Variants in SLC45A1 observed in about 807,000 individuals in gnomAD.
The protein encoded by SLC45A1 is solute carrier family 45 member 1.
Under a neutral mutation model 57.6 loss-of-function variants are expected in SLC45A1, and 28 were observed. The observed-to-expected ratio is 0.49, with a 90% CI of 0.36 to 0.67. The LOEUF (loss-of-function observed/expected upper bound fraction) is 0.67, where lower values mean the gene tolerates loss of function less well. Ranked by LOEUF, SLC45A1 falls within the 30% of genes least tolerant of loss-of-function variation. The pLI, the probability that SLC45A1 is intolerant of heterozygous loss-of-function variation, is 0.00. For synonymous variants in SLC45A1, 459 were observed against 471.5 expected (o/e 0.97, Z 0.34); for missense variants, 814 against 1,041.5 (o/e 0.78, Z 3.01).
chr1:8,329,595 G>A (rs1640312769), intron 4 of SLC45A1, among the ~76,000 whole-genome samples: 3 of 152,238 alleles, frequency 2.0e-5, no homozygotes, highest in South Asian at 4.1e-4. Flanking sequence ...TGTGGCCAGG[G>A]CTGGGCTGGC....
In SLC45A1 at chr1:8,325,808, C is replaced by G. The variant is rs754191088; in HGVS notation, c.491-10C>G. On this transcript the variant is annotated splice_polypyrimidine_tract_variant and intron_variant, in intron 3 of 8. Transcript: ENST00000471889. This position sits in a 1 kb window ranked among gnomAD's most constrained non-coding sequence, Gnocchi z 6.3. ...ATTTTCTTGGGGTGACTTTGTTTCT[C>G]TGTGTCCAGGGGCACTGCTGGGCCT... The G allele has an allele frequency of 3.7e-6, 6 of 1,610,936 alleles. No individual in the cohort carries two copies. In the African/African-American group the frequency reaches 6.7e-5, roughly 18 times the overall value.
Position 8,343,995 on chromosome 1 carries a change from C to T in SLC45A1, c.2229C>T (p.Pro743=), listed in dbSNP as rs1640917946. 6.2e-7 allele frequency: 1 copy of T among 1,609,392 alleles called. No homozygotes were observed. Among genetic ancestry groups the T allele is most frequent in the Admixed American group, 1.7e-5 (1 of 59,898 alleles). ...ACGCTGCAGACGAGGAGCACCGGCC[C>T]CTCCTGCTGAACGTCTGACATCGCG... The part of the protein sequence containing the change: ...PSDAADEEHR[P]LLLNV Residue 743 remains proline (P), a synonymous_variant, in exon 9 of 9, where the codon CCC becomes CCT. Transcript: ENST00000471889. The surrounding 1 kb of genome is among the most constrained non-coding windows in gnomAD (Gnocchi z 7.7).
Position 8,325,280 on chromosome 1 carries a change from TG to T in SLC45A1, c.398-16del. On this transcript the variant is annotated splice_polypyrimidine_tract_variant and intron_variant, in intron 2 of 8. Coordinates refer to ENST00000471889, the MANE Select transcript of SLC45A1 (RefSeq NM_001080397.3). The surrounding 1 kb of genome is among the most constrained non-coding windows in gnomAD (Gnocchi z 6.3). ...CCATGGGGACCCTGGCAATGACCGC[TG>T]GCCTGCTCTGTTTCAGGATTCCTAC... 1 of 1,588,404 alleles carries T rather than the reference TG, an allele frequency of 6.3e-7. No homozygotes were observed. The highest frequency in any genetic ancestry group is 8.6e-7 in the Non-Finnish European group (1 of 1,157,020).
chr1:8,341,990 G>A (rs998841323), intron 8 of SLC45A1, among the ~76,000 whole-genome samples: 1 of 152,092 alleles, frequency 6.6e-6, no homozygotes, highest in African/African-American at 2.4e-5. Context: ...GGTGGATCAC[G>A]AGGTCAGGAG....
intron 5 of SLC45A1, among the ~76,000 whole-genome samples, chr1:8,334,441 C>G (rs565724379): frequency 6.6e-6 from 1 of 152,090 alleles, no homozygotes; most frequent in Admixed American, 6.5e-5. Flanking sequence ...TCTCAAACAT[C>G]TAAATTCAAA....
In SLC45A1 at chr1:8,344,153, C is replaced by T; in HGVS notation, c.*140C>T. The stretch of plus-strand genomic sequence containing the variant: ...AAATATGTGATAAAATAATAAATGA[C>T]AGCGGCAAAGCCTATGGTTTCTAGG... On this transcript the variant is annotated 3_prime_UTR_variant, in exon 9 of 9. Transcript: ENST00000471889. 3 of 809,468 alleles carry T rather than the reference C, an allele frequency of 3.7e-6. No homozygotes were observed. The highest frequency in any genetic ancestry group is 5.5e-6 in the Non-Finnish European group (3 of 546,736). 50.1% of individuals were successfully genotyped at this position (809,468 alleles called of 1,614,324 possible).
chr1:8,326,315 G>C lies in SLC45A1; in HGVS notation c.715+273G>C, dbSNP rs1039086734. On this transcript the variant is annotated intron_variant, in intron 4 of 8. Coordinates refer to ENST00000471889, the MANE Select transcript of SLC45A1 (RefSeq NM_001080397.3). The surrounding 1 kb of genome is among the most constrained non-coding windows in gnomAD (Gnocchi z 5.5). Reference sequence around the variant, plus strand: ...TTGTTTGAGGTAGTTATGTTCTGCAGAGTCACCACAAACACTGAATTAGCA... The same window carrying C: ...TTGTTTGAGGTAGTTATGTTCTGCACAGTCACCACAAACACTGAATTAGCA... Among the ~76,000 whole-genome samples, 1 of 152,188 alleles carries C rather than the reference G, an allele frequency of 6.6e-6. No homozygotes were observed. Among genetic ancestry groups the C allele is most frequent in the Non-Finnish European group, 1.5e-5 (1 of 68,028 alleles).
At chr1:8,339,759 T>C in intron 8 of SLC45A1, 61 bp downstream of exon 8, 1 of 1,450,412 alleles carries the variant, frequency 6.9e-7, no homozygotes, top group South Asian at 1.1e-5. Context: ...ACCTGAGAAC[T>C]GTCCCCCAGG....
intron 5 of SLC45A1, among the ~76,000 whole-genome samples, chr1:8,332,289 G>A (rs973019537): frequency 7.9e-5 from 12 of 152,314 alleles, no homozygotes; most frequent in South Asian, 4.1e-4. Flanking sequence ...GAAACAAAAC[G>A]TGAAACCTGC....
chr1:8,337,788 A>C (rs750104492), intron 6 of SLC45A1, 28 bp from the exon 7 acceptor site: 3 of 1,603,902 alleles, frequency 1.9e-6, no homozygotes, highest in Non-Finnish European at 2.6e-6. Flanking sequence ...TTTGCCCCCG[A>C]GGTCATGAAC....
At chr1:8,338,810 A>C (rs1406150610) in intron 7 of SLC45A1, among the ~76,000 whole-genome samples, 1 of 152,138 alleles carries the variant, frequency 6.6e-6, no homozygotes, top group Non-Finnish European at 1.5e-5. Context: ...ACTAGGCTGC[A>C]GGCTGGACTT....
Position 8,325,978 on chromosome 1 carries a change from C to T in SLC45A1, c.651C>T (p.Tyr217=). 6.2e-7 allele frequency: 1 copy of T among 1,612,220 alleles called. No individual in the cohort carries two copies. Among genetic ancestry groups the T allele is most frequent in the South Asian group, 1.1e-5 (1 of 91,090 alleles). The part of the protein sequence containing the change: ...ADSADNPSHA[Y]MMDVCSPADQ... ...CGGCGGACAACCCCAGCCACGCCTA[C>T]ATGATGGACGTGTGCAGCCCCGCAG... Residue 217 remains tyrosine, a synonymous_variant, in exon 4 of 9, where the codon TAC becomes TAT. Transcript: ENST00000471889. This position sits in a 1 kb window ranked among gnomAD's most constrained non-coding sequence, Gnocchi z 6.3.
intron 7 of SLC45A1, among the ~76,000 whole-genome samples, chr1:8,338,828 G>C (rs192173746): frequency 1.3e-5 from 2 of 151,822 alleles, no homozygotes; most frequent in Admixed American, 1.3e-4. Flanking sequence ...CTTCGCCTTC[G>C]ATCCATAATC....
rs574111723 is a variant in SLC45A1, at chr1:8,327,738, A to G, written c.715+1696A>G. On this transcript the variant is annotated intron_variant, in intron 4 of 8. Coordinates refer to ENST00000471889, the MANE Select transcript of SLC45A1 (RefSeq NM_001080397.3). The surrounding 1 kb of genome is among the most constrained non-coding windows in gnomAD (Gnocchi z 4.3). ...ATGGAAGAAAAAAATTCCATTTAAA[A>G]TAGCAACTGGGGCTGGGCGTGGTGG... is the stretch of plus-strand genomic sequence containing the variant. Among the ~76,000 whole-genome samples the G allele has an allele frequency of 6.6e-6, 1 of 152,318 alleles. No homozygotes were observed. Among genetic ancestry groups the G allele is most frequent in the East Asian group, 1.9e-4 (1 of 5,190 alleles).
chr1:8,341,934 G>A (rs1176660308), intron 8 of SLC45A1, among the ~76,000 whole-genome samples: 1 of 150,352 alleles, frequency 6.7e-6, no homozygotes, highest in Non-Finnish European at 1.5e-5. Context: ...TAGGCCGGGT[G>A]CGGTGGCTCA....
Position 8,330,616 on chromosome 1 carries a change from A to G in SLC45A1, c.1123A>G (p.Ser375Gly). ...ASSFGTANID[S>G]VLIDCFTGGH... ...ATCCTTTGGCACGGCCAACATAGAC[A>G]GCGTCCTCATTGACTGCTTCACGGG... Residue 375 changes from serine (S) to glycine (G), a missense_variant, in exon 5 of 9, where the codon AGC (serine) becomes GGC (glycine). Physicochemically the swap from Ser to Gly is moderately conservative, Grantham distance 56 (BLOSUM62 0). Transcript: ENST00000471889. The surrounding 1 kb of genome is among the most constrained non-coding windows in gnomAD (Gnocchi z 8.4). 6.2e-7 allele frequency: 1 copy of G among 1,613,594 alleles called. No individual in the cohort carries two copies. Among genetic ancestry groups the G allele is most frequent in the Non-Finnish European group, 8.5e-7 (1 of 1,179,968 alleles).
Position 8,328,613 on chromosome 1 carries a change from C to T in SLC45A1, c.716-1596C>T, listed in dbSNP as rs1160465911. Among the ~76,000 whole-genome samples, 3 of 151,842 alleles carry T rather than the reference C, an allele frequency of 2.0e-5. No homozygotes were observed. Among genetic ancestry groups the T allele is most frequent in the Non-Finnish European group, 2.9e-5 (2 of 67,960 alleles). On this transcript the variant is annotated intron_variant, in intron 4 of 8. Transcript: ENST00000471889. The surrounding 1 kb of genome is among the most constrained non-coding windows in gnomAD (Gnocchi z 4.6). ...CAGCACTTTGGGAGACCAAGGCAGG[C>T]GGATCACCTGAGGTCAGGAGTTCAA...
At chr1:8,329,568 A>G (rs1640311929) in intron 4 of SLC45A1, among the ~76,000 whole-genome samples, 1 of 152,222 alleles carries the variant, frequency 6.6e-6, no homozygotes, top group Admixed American at 6.5e-5. Flanking sequence ...CATCGCTCAC[A>G]GTTTCCTGCC....
Position 8,318,156 on chromosome 1 carries a change from G to A in SLC45A1, c.-55G>A. ...GGCCGGGCAGGCAGCAGCCCAGCGGGGACAGGGATGCCTGCCGTCTCCACC... is the reference window on the plus strand; with the variant it reads ...GGCCGGGCAGGCAGCAGCCCAGCGGAGACAGGGATGCCTGCCGTCTCCACC... On this transcript the variant is annotated 5_prime_UTR_variant, in exon 1 of 9. Coordinates refer to ENST00000471889, the MANE Select transcript of SLC45A1 (RefSeq NM_001080397.3). 2 of 448,118 alleles carry A rather than the reference G, an allele frequency of 4.5e-6. No individual in the cohort carries two copies. The allele number at this position is 448,118 out of a possible 1,614,324, so 27.8% of individuals were successfully genotyped here.
Sources: allele counts gnomAD v4.1 joint callset (sites outside exome capture counted in the v4.1 genomes callset), GRCh38; gene constraint gnomAD v4.1.1; non-coding constraint Gnocchi (gnomAD v3.1); transcripts MANE v1.5; gene names NCBI Gene and HGNC (gene_info 2026-07-23, HGNC 2026-07-21).